Variants in PRX observed in about 807,000 individuals in gnomAD.
The protein encoded by PRX is periaxin.
In PRX, 24 loss-of-function variants were observed where a neutral mutation model predicts 29.6. The ratio of observed to expected loss-of-function variants is 0.81; its 90% CI spans 0.59 to 1.14. The LOEUF is 1.14. PRX is among the 50% of genes most tolerant of loss of function. PRX has a pLI of 0.00. For synonymous variants in PRX, 772 were observed against 831.7 expected (o/e 0.93, Z 1.24); for missense variants, 1,838 against 1,926.4 (o/e 0.95, Z 0.86).
rs1599652236 is a variant in PRX at position 40,395,532 on chromosome 19, C to T, written c.2820G>A (p.Gly940=). 6.2e-7 allele frequency: 1 copy of T among 1,614,200 alleles called. No homozygotes were observed. Among genetic ancestry groups the T allele is most frequent in the Non-Finnish European group, 8.5e-7 (1 of 1,180,034 alleles). Reference sequence around the variant, plus strand: ...CAGCCTCTGCCTTAGCCACCTTTGGCCCCGAGAGTCCAAACTTAGGTAAGG... The same window carrying T: ...CAGCCTCTGCCTTAGCCACCTTTGGTCCCGAGAGTCCAAACTTAGGTAAGG... ...KFSLPKFGLS[G]PKVAKAEAEG... The change falls in exon 7 of 7, where the codon GGG becomes GGA. Residue 940 remains glycine, a synonymous_variant. Coordinates refer to ENST00000324001, the MANE Select transcript of PRX (RefSeq NM_181882.3).
intron 1 of PRX, among the ~76,000 whole-genome samples, chr19:40,409,999 A>G (rs1041956989): frequency 3.3e-5 from 5 of 152,148 alleles, no homozygotes; most frequent in African/African-American, 1.2e-4. Flanking sequence ...TCTGGGTAGT[A>G]ATAATACCTG....
rs139624657 is a variant in PRX at position 40,394,272 on chromosome 19, TTCCTCCTCC to T, written c.4071_4079del (p.Glu1359_Glu1361del). The T allele has an allele frequency of 8.7e-6, 14 of 1,605,140 alleles. No homozygotes were observed. Among genetic ancestry groups the T allele is most frequent in the South Asian group, 2.2e-5 (2 of 90,086 alleles). On this transcript the variant is annotated inframe_deletion, in exon 7 of 7. Transcript: ENST00000324001. The surrounding 1 kb of genome is among the most constrained non-coding windows in gnomAD (Gnocchi z 5.8). ...CCGAGGCCCCTTCCCCACTGCCCTCTTCCTCCTCCTCCTCCTCCTCCTCGGGGCTGGGGG... is the reference window on the plus strand; with the variant it reads ...CCGAGGCCCCTTCCCCACTGCCCTCTTCCTCCTCCTCCTCGGGGCTGGGGG...
Position 40,403,742 on chromosome 19 carries a change from C to A in PRX, c.148G>T (p.Asp50Tyr), listed in dbSNP as rs528136982. The A allele has an allele frequency of 8.9e-6, 14 of 1,572,682 alleles. No individual in the cohort carries two copies. The highest frequency in any genetic ancestry group is 3.7e-4 in the Middle Eastern group (2 of 5,464). ...EGIFVRELREDSPAARSLSLQ... is the reference protein window; with the variant it reads ...EGIFVRELREYSPAARSLSLQ... ...CTGAGGCTCCTGGCGGCGGGTGAGTCCTCGCGCAGCTCCCGAACGAAGATT... is the reference window on the plus strand; with the variant it reads ...CTGAGGCTCCTGGCGGCGGGTGAGTACTCGCGCAGCTCCCGAACGAAGATT... The change falls in exon 5 of 7, where the codon GAC becomes TAC. Residue 50 changes from aspartate (D) to tyrosine (Y), a missense_variant. Transcript: ENST00000324001.
At chr19:40,401,627 G>A (rs1016490586) in intron 5 of PRX, among the ~76,000 whole-genome samples, 3 of 152,114 alleles carry the variant, frequency 2.0e-5, no homozygotes, top group African/African-American at 7.2e-5. Flanking sequence ...CAATTGCGTA[G>A]ACACTGGCTT....
chr19:40,404,409 T>C (rs1262163144), intron 4 of PRX, among the ~76,000 whole-genome samples: 1 of 20,262 alleles, frequency 4.9e-5, no homozygotes, highest in African/African-American at 1.9e-4. Flanking sequence ...CGTGGTCAGG[T>C]CGGGAGGGCG....
rs775169753 is a variant in PRX at position 40,394,220 on chromosome 19, A to T, written c.4132T>A (p.Leu1378Met). 1 of 1,599,336 alleles carries T rather than the reference A, an allele frequency of 6.3e-7. No homozygotes were observed. The highest frequency in any genetic ancestry group is 1.1e-5 in the South Asian group (1 of 89,956). Reference protein sequence around the residue: ...SGRRGRVRVRLPRVGLAAPSK... With the variant: ...SGRRGRVRVRMPRVGLAAPSK... ...GGGGCCGCCAGGCCTACACGTGGCA[A>T]GCGGACCCGGACCCGGCCCCGGCGA... The change falls in exon 7 of 7, where the codon TTG (leucine) becomes ATG (methionine). Residue 1378 changes from leucine to methionine, a missense_variant. This residue lies in a region of PRX where 1,143 missense variants were observed against 1,193.0 expected (regional missense o/e 0.96). Coordinates refer to ENST00000324001, the MANE Select transcript of PRX (RefSeq NM_181882.3). The surrounding 1 kb of genome is among the most constrained non-coding windows in gnomAD (Gnocchi z 5.8).
Position 40,396,267 on chromosome 19 carries a change from C to G in PRX, c.2085G>C (p.Lys695Asn), listed in dbSNP as rs746298277. 6.2e-7 allele frequency: 1 copy of G among 1,613,378 alleles called. No individual in the cohort carries two copies. Among genetic ancestry groups the G allele is most frequent in the Non-Finnish European group, 8.5e-7 (1 of 1,179,824 alleles). Residue 695 changes from lysine (K) to asparagine (N), a missense_variant, in exon 7 of 7, where the codon AAG (lysine) becomes AAC (asparagine). By Grantham distance (94) the Lys-to-Asn change is moderately conservative. Around this residue, in one of 3 missense-constraint regions of PRX, gnomAD observed 1,143 missense variants for 1,193.0 expected, o/e 0.96. Coordinates refer to ENST00000324001, the MANE Select transcript of PRX (RefSeq NM_181882.3). The part of the protein sequence containing the change: ...LPKVSEMKLP[K>N]VPEMAVPDVH... Reference sequence around the variant, plus strand: ...CATCGGGCACGGCCATTTCAGGCACCTTGGGGAGTTTCATCTCTGAGACTT... The same window carrying G: ...CATCGGGCACGGCCATTTCAGGCACGTTGGGGAGTTTCATCTCTGAGACTT...
intron 4 of PRX, among the ~76,000 whole-genome samples, chr19:40,404,258 C>A (rs2079516812): frequency 6.6e-6 from 1 of 152,124 alleles, no homozygotes; most frequent in African/African-American, 2.4e-5. Flanking sequence ...GCTCCGCGGG[C>A]CGGCTGGCCT....
At position 40,396,515 on chromosome 19, in the gene PRX, C is replaced by A. The variant is rs773222045; in HGVS notation, c.1837G>T (p.Val613Leu). 2.5e-6 allele frequency: 4 copies of A among 1,613,902 alleles called. No homozygotes were observed. The African/African-American group carries it at 5.3e-5, about 22-fold the overall frequency. The change falls in exon 7 of 7, where the codon GTG (valine) becomes TTG (leucine). Residue 613 changes from valine (V) to leucine (L), a missense_variant. Around this residue, in one of 3 missense-constraint regions of PRX, gnomAD observed 1,143 missense variants for 1,193.0 expected, o/e 0.96. Transcript: ENST00000324001. ...ACTTCTGGGAGGTGCACATCGGGCA[C>A]GGCCATCTCGGGCACCTTCGGGAGT... is the stretch of plus-strand genomic sequence containing the variant. ...VQLPKVPEMA[V>L]PDVHLPEVQL...
At chr19:40,406,394 A>G (rs1359264740) in intron 4 of PRX, among the ~76,000 whole-genome samples, 3 of 151,950 alleles carry the variant, frequency 2.0e-5, no homozygotes, top group African/African-American at 7.3e-5. Flanking sequence ...ATCTCATTTC[A>G]TCCTCTCCCT....
Position 40,397,648 on chromosome 19 carries a change from T to A in PRX, c.704A>T (p.Glu235Val), listed in dbSNP as rs2079454219. 1 of 1,548,132 alleles carries A rather than the reference T, an allele frequency of 6.5e-7. No individual in the cohort carries two copies. The highest frequency in any genetic ancestry group is 2.4e-5 in the East Asian group (1 of 42,000). The change falls in exon 7 of 7, where the codon GAG (glutamate) becomes GTG (valine). Residue 235 changes from glutamate to valine, a missense_variant. Glu to Val is a moderately radical substitution (Grantham distance 121). Transcript: ENST00000324001. ...AGARFTAPQV[E>V]LVGPRLPGAE... ...CCCTGGCAGCCGCGGCCCAACCAGC[T>A]CCACCTGAGGGGCTGTGAAACGAGC...
rs1568710391 is a variant in PRX at position 40,398,534 on chromosome 19, C to A, written c.381+86G>T. 1.9e-6 allele frequency: 3 copies of A among 1,590,080 alleles called. No individual in the cohort carries two copies. In the South Asian group the frequency reaches 3.3e-5, roughly 18 times the overall value. ...GTGACAAGACAGAGGGCAAGGCTGG[C>A]CCACGATGGCGGGGAATGGGGCTCA... On this transcript the variant is annotated intron_variant, in intron 6 of 6. Transcript: ENST00000324001. This position sits in a 1 kb window ranked among gnomAD's most constrained non-coding sequence, Gnocchi z 6.3.
chr19:40,411,444 C>T (rs1012983523), intron 1 of PRX, among the ~76,000 whole-genome samples: 1 of 152,132 alleles, frequency 6.6e-6, no homozygotes, highest in Non-Finnish European at 1.5e-5. Context: ...GCTGGGGACA[C>T]GAGAAGCCTG....
chr19:40,402,062 G>A (rs2079498346), intron 5 of PRX, among the ~76,000 whole-genome samples: 1 of 152,102 alleles, frequency 6.6e-6, no homozygotes. Flanking sequence ...ATTTAAAAAT[G>A]CAGCTGTAGG....
Position 40,394,892 on chromosome 19 carries a change from G to A in PRX, c.3460C>T (p.Gln1154Ter). ...TCCCCAAAGCCGGTCAGCTCCACCT[G>A]TGGCAGGGAGATGCCCAGCGGAGGC... ...RMPPLGISLP[Q>*]VELTGFGEAG... is the part of the protein sequence containing the mutation. The change falls in exon 7 of 7, where the codon CAG becomes TAG. Residue 1154 changes from glutamine (Q) to a stop codon, truncating the protein, a stop_gained. Coordinates refer to ENST00000324001, the MANE Select transcript of PRX (RefSeq NM_181882.3). LOFTEE classifies it high-confidence loss of function. This position sits in a 1 kb window ranked among gnomAD's most constrained non-coding sequence, Gnocchi z 5.8. 6.2e-7 allele frequency: 1 copy of A among 1,611,100 alleles called. No individual in the cohort carries two copies.
Position 40,403,761 on chromosome 19 carries a change from G to T in PRX, c.129C>A (p.Phe43Leu). The change falls in exon 5 of 7, where the codon TTC becomes TTA. Residue 43 changes from phenylalanine (F) to leucine (L), a missense_variant. Phe to Leu is a conservative substitution (Grantham distance 22). This residue lies in a region of PRX where 666 missense variants were observed against 665.0 expected (regional missense o/e 1.00). Transcript: ENST00000324001. ...GTGAGTCCTCGCGCAGCTCCCGAAC[G>T]AAGATTCCCTCTTTGCCGCCGCCCG... Reference protein sequence around the residue: ...NVAGGGKEGIFVRELREDSPA... With the variant: ...NVAGGGKEGILVRELREDSPA... 1 of 1,592,346 alleles carries T rather than the reference G, an allele frequency of 6.3e-7. No homozygotes were observed. The highest frequency in any genetic ancestry group is 8.5e-7 in the Non-Finnish European group (1 of 1,170,792).
intron 4 of PRX, chr19:40,407,530 G>A (rs896723049): frequency 2.7e-6 from 1 of 365,012 alleles, no homozygotes; most frequent in African/African-American, 2.1e-5. Flanking sequence ...CAAACTCCTA[G>A]GCTTTAGCGA....
rs2079434052 is a variant in PRX, at chr19:40,396,211, A to G, written c.2141T>C (p.Val714Ala). 6.2e-7 allele frequency: 1 copy of G among 1,612,410 alleles called. No homozygotes were observed. The highest frequency in any genetic ancestry group is 1.7e-5 in the Admixed American group (1 of 59,864). The change falls in exon 7 of 7, where the codon GTC becomes GCC. Residue 714 changes from valine (V) to alanine (A), a missense_variant. Transcript: ENST00000324001. ...CATGTCAGGGACTTTCATTTCACAG[A>G]CTTTGGGCAGCTGCACCTCTGGGAG... Reference protein sequence around the residue: ...VHLPEVQLPKVCEMKVPDMKL... With the variant: ...VHLPEVQLPKACEMKVPDMKL...
chr19:40,410,539 C>T (rs550870757), intron 1 of PRX, among the ~76,000 whole-genome samples: 9 of 152,292 alleles, frequency 5.9e-5, no homozygotes, highest in Admixed American at 2.6e-4. Context: ...TGTGAGCCCC[C>T]TACACCTTCC....
Sources: allele counts gnomAD v4.1 joint callset (sites outside exome capture counted in the v4.1 genomes callset), GRCh38; gene constraint gnomAD v4.1.1; regional missense constraint gnomAD v4.1.1; non-coding constraint Gnocchi (gnomAD v3.1); transcripts MANE v1.5; gene names NCBI Gene and HGNC (gene_info 2026-07-23, HGNC 2026-07-21).